The following AATF variants were observed in gnomAD, a reference collection of about 807,000 sequenced individuals.
AATF encodes apoptosis antagonizing transcription factor.
In AATF, 48 loss-of-function variants were observed where a neutral mutation model predicts 63.7. That is an observed-to-expected ratio of 0.75 (90% CI 0.60 to 0.96). The LOEUF (loss-of-function observed/expected upper bound fraction) is 0.96, where lower values mean the gene tolerates loss of function less well. AATF is among the 40% of genes least tolerant of loss of function. The pLI is 0.00. For missense variants in AATF, 639 were observed against 685.7 expected (o/e 0.93, Z 0.76); for synonymous variants, 258 against 247.7 (o/e 1.04, Z -0.39).
Position 36,980,994 on chromosome 17 carries a change from T to G in AATF, c.833-5623T>G, listed in dbSNP as rs558989821. On this transcript the variant is annotated intron_variant, in intron 4 of 11. Transcript: ENST00000619387. ...CTTTGATGCATGGTAGTGCTATCCC[T>G]GAATGGAGCCTAAATACTCCAGGGC... Among the ~76,000 whole-genome samples, 12 of 151,834 alleles carry G rather than the reference T, an allele frequency of 7.9e-5. 1 individual carries two copies. In the South Asian group the frequency reaches 2.5e-3, roughly 32 times the overall value.
chr17:36,952,949 AAT>A lies in AATF; in HGVS notation c.350_351del (p.Tyr117Ter). 2.5e-6 allele frequency: 4 copies of A among 1,614,190 alleles called. No homozygotes were observed. Among genetic ancestry groups the A allele is most frequent in the Non-Finnish European group, 3.4e-6 (4 of 1,180,042 alleles). On this transcript the variant is annotated frameshift_variant, in exon 3 of 12. Coordinates refer to ENST00000619387, the MANE Select transcript of AATF (RefSeq NM_012138.4). LOFTEE classifies it high-confidence loss of function. ...GATTCAGAGGGACTGGGTCTGGAGG[AAT>A]ATGATGAGGACGACCTGGGTGCTGC...
At chr17:36,983,509 G>T (rs576135987) in intron 4 of AATF, among the ~76,000 whole-genome samples, 1 of 151,988 alleles carries the variant, frequency 6.6e-6, no homozygotes, top group South Asian at 2.1e-4. Flanking sequence ...CACCATACCC[G>T]GCTGATTTTT....
At chr17:36,991,004 T>C in intron 8 of AATF, 147 bp downstream of exon 8, 1 of 516,114 alleles carries the variant, frequency 1.9e-6, no homozygotes, top group Middle Eastern at 2.9e-4. Flanking sequence ...TGACTTACAG[T>C]GTCATTGTGG....
At chr17:37,017,975 G>A (rs114347952) in intron 8 of AATF, among the ~76,000 whole-genome samples, 2,552 of 152,214 alleles carry the variant, frequency 0.017, 77 homozygotes, top group African/African-American at 0.058. Flanking sequence ...CAAAATCATT[G>A]CTAATTTTTA....
intron 8 of AATF, among the ~76,000 whole-genome samples, chr17:37,001,162 C>CA (rs1006217600): frequency 6.6e-6 from 1 of 151,520 alleles, no homozygotes; most frequent in African/African-American, 2.4e-5. Context: ...CTATAAAAAG[C>CA]AAAAAAACTA....
chr17:36,994,577 C>G (rs113740640), intron 8 of AATF, among the ~76,000 whole-genome samples: 36 of 152,276 alleles, frequency 2.4e-4, no homozygotes, highest in Non-Finnish European at 5.9e-5. Flanking sequence ...TACAGTTGGC[C>G]TATTTCTTGT....
intron 4 of AATF, among the ~76,000 whole-genome samples, chr17:36,981,985 A>G (rs2071129233): frequency 6.6e-6 from 1 of 151,910 alleles, no homozygotes; most frequent in African/African-American, 2.4e-5. Context: ...AACTCAACCC[A>G]TTAAACAACA....
At chr17:36,970,455 A>G (rs957839311) in intron 4 of AATF, among the ~76,000 whole-genome samples, 9 of 152,158 alleles carry the variant, frequency 5.9e-5, no homozygotes, top group Admixed American at 3.9e-4. Flanking sequence ...ACAAATTCAT[A>G]CAAATAATGG....
intron 11 of AATF, among the ~76,000 whole-genome samples, chr17:37,039,696 A>T (rs1005078960): frequency 5.3e-5 from 8 of 152,202 alleles, no homozygotes; most frequent in Admixed American, 1.3e-4. Flanking sequence ...TTCGCCAGTA[A>T]TGTCAGAAAG....
chr17:36,969,592 C>G (rs2071023245), intron 4 of AATF, among the ~76,000 whole-genome samples: 1 of 152,122 alleles, frequency 6.6e-6, no homozygotes, highest in African/African-American at 2.4e-5. Flanking sequence ...TTGCTAGCAC[C>G]CCAGTCATCT....
intron 4 of AATF, among the ~76,000 whole-genome samples, chr17:36,963,043 C>T (rs1025269840): frequency 1.1e-4 from 17 of 152,188 alleles, no homozygotes; most frequent in East Asian, 9.7e-4. Context: ...CGCTTGAACC[C>T]GGGAGGTGGA....
intron 4 of AATF, among the ~76,000 whole-genome samples, chr17:36,970,156 G>T (rs1230561219): frequency 3.9e-5 from 6 of 152,178 alleles, no homozygotes; most frequent in Non-Finnish European, 8.8e-5. Flanking sequence ...TGGCTGAGTC[G>T]CATGGTAAAT....
rs769098439 is a variant in AATF at position 36,953,194 on chromosome 17, G to A, written c.592G>A (p.Ala198Thr). ...CCAAGGCGAGAGTGAGGAAGACAGG[G>A]CTGGAGATAGAAACAGTGAGGATGA... is the stretch of plus-strand genomic sequence containing the variant. ...DSQGESEEDR[A>T]GDRNSEDDGV... The change falls in exon 3 of 12, where the codon GCT becomes ACT. Residue 198 changes from alanine to threonine, a missense_variant. Ala to Thr is a moderately conservative substitution (Grantham distance 58, BLOSUM62 0). Transcript: ENST00000619387. 5.6e-6 allele frequency: 9 copies of A among 1,614,098 alleles called. No individual in the cohort carries two copies. In the African/African-American group the frequency reaches 9.3e-5, roughly 17 times the overall value.
intron 8 of AATF, among the ~76,000 whole-genome samples, chr17:37,002,917 T>A (rs935623245): frequency 3.3e-5 from 5 of 149,778 alleles, no homozygotes; most frequent in African/African-American, 1.2e-4. Context: ...TTTTTTTTTT[T>A]TTTTTTTTGC....
At chr17:37,033,051 CCTT>C (rs1319136979) in intron 11 of AATF, among the ~76,000 whole-genome samples, 3 of 152,174 alleles carry the variant, frequency 2.0e-5, no homozygotes, top group South Asian at 4.1e-4. Flanking sequence ...ATTTTCCCCT[CCTT>C]GTCTGAAAGT....
chr17:36,964,873 G>A (rs1004174801), intron 4 of AATF, among the ~76,000 whole-genome samples: 1 of 150,948 alleles, frequency 6.6e-6, no homozygotes, highest in East Asian at 2.0e-4. Flanking sequence ...TAGGAGTAGT[G>A]CACAGCTGTG....
At chr17:37,022,434 G>GAAGTACACAGTAT (rs1355522103) in intron 10 of AATF, among the ~76,000 whole-genome samples, 1 of 152,130 alleles carries the variant, frequency 6.6e-6, no homozygotes, top group Non-Finnish European at 1.5e-5. Context: ...TAACTTTGCA[G>GAAGTACACAGTAT]AAGTACACAG....
chr17:37,029,694 T>C (rs754640792), intron 10 of AATF, among the ~76,000 whole-genome samples: 1 of 151,882 alleles, frequency 6.6e-6, no homozygotes, highest in Non-Finnish European at 1.5e-5. Context: ...GCCTCCCTAT[T>C]TACTGGGATT....
At chr17:36,995,392 G>A (rs1232464736) in intron 8 of AATF, among the ~76,000 whole-genome samples, 1 of 152,130 alleles carries the variant, frequency 6.6e-6, no homozygotes, top group Non-Finnish European at 1.5e-5. Context: ...GAAGAGGCAG[G>A]CTTTTTGACA....
Sources: allele counts gnomAD v4.1 joint callset (sites outside exome capture counted in the v4.1 genomes callset), GRCh38; gene constraint gnomAD v4.1.1; transcripts MANE v1.5; gene names NCBI Gene and HGNC (gene_info 2026-07-23, HGNC 2026-07-21).